The following SYNRG variants were observed in gnomAD, a reference collection of about 807,000 sequenced individuals.
SYNRG encodes synergin gamma.
A neutral mutation model predicts 130.9 loss-of-function variants in SYNRG; 37 were observed. The ratio of observed to expected loss-of-function variants is 0.28; its 90% CI spans 0.22 to 0.37. SYNRG has a LOEUF of 0.37. Ranked by LOEUF, SYNRG falls within the 10% of genes least tolerant of loss-of-function variation. The pLI is 1.00. For missense variants in SYNRG, 1,338 were observed against 1,588.9 expected, an observed-to-expected ratio of 0.84 and a Z score of 2.68; for synonymous variants, 539 against 568.1, an observed-to-expected ratio of 0.95 and a Z score of 0.73.
chr17:37,570,438 T>G (rs1451696228), intron 10 of SYNRG, among the ~76,000 whole-genome samples, 199 bp downstream of exon 10: 1 of 152,218 alleles, frequency 6.6e-6, no homozygotes, highest in Non-Finnish European at 1.5e-5. Flanking sequence ...ATTATATATT[T>G]AAAACATTTT....
rs2057404355 is a variant in SYNRG, at chr17:37,538,398, G to T, written c.3443C>A (p.Thr1148Asn). 1 of 1,609,490 alleles carries T rather than the reference G, an allele frequency of 6.2e-7. No homozygotes were observed. The highest frequency in any genetic ancestry group is 8.5e-7 in the Non-Finnish European group (1 of 1,178,646). ...ALNVIKKAND[T>N]LNGISSSSVC... Reference sequence around the variant, plus strand: ...AGAACTACTACTGATTCCATTTAAGGTATCATTTGCCTTCTTAATGACCTA... The same window carrying T: ...AGAACTACTACTGATTCCATTTAAGTTATCATTTGCCTTCTTAATGACCTA... The change falls in exon 18 of 22, where the codon ACC becomes AAC. Residue 1148 changes from threonine to asparagine, a missense_variant. Physicochemically the swap from Thr to Asn is moderately conservative, Grantham distance 65. Around this residue, in one of 3 missense-constraint regions of SYNRG, gnomAD observed 1,146 missense variants for 1,342.3 expected, o/e 0.85. Transcript: ENST00000612223.
intron 11 of SYNRG, among the ~76,000 whole-genome samples, chr17:37,564,581 C>T (rs2059780935): frequency 6.6e-6 from 1 of 152,224 alleles, no homozygotes; most frequent in African/African-American, 2.4e-5. Flanking sequence ...CACAGACCAA[C>T]AATGTTCTCC....
At chr17:37,596,424 T>A in intron 2 of SYNRG, 80 bp from the exon 3 acceptor site, 1 of 1,526,076 alleles carries the variant, frequency 6.6e-7, no homozygotes, top group Non-Finnish European at 8.9e-7. Flanking sequence ...AAAGGACTTG[T>A]TACTTGGCAG....
chr17:37,542,414 G>A lies in SYNRG; in HGVS notation c.2760C>T (p.Pro920=), dbSNP rs1245513525. 6.2e-7 allele frequency: 1 copy of A among 1,614,140 alleles called. No homozygotes were observed. ...TCTTTTGAAGAATTGAGGTGGCTGAGGGGGATCCACTTCCTGCTGAGAGGA... is the reference window on the plus strand; with the variant it reads ...TCTTTTGAAGAATTGAGGTGGCTGAAGGGGATCCACTTCCTGCTGAGAGGA... ...PFVLSAGSGS[P]SATSILQKKE... The change falls in exon 15 of 22, where the codon CCC becomes CCT. Residue 920 remains proline, a synonymous_variant. Transcript: ENST00000612223.
At chr17:37,569,628 C>A (rs2060263056) in intron 10 of SYNRG, among the ~76,000 whole-genome samples, 2 of 140,304 alleles carry the variant, frequency 1.4e-5, no homozygotes, top group South Asian at 4.5e-4. Flanking sequence ...GCACTCCAGC[C>A]TGGGCAACAC....
In SYNRG at chr17:37,518,650, TGCA is replaced by T. The variant is rs1316919429; in HGVS notation, c.*287_*289del. On this transcript the variant is annotated 3_prime_UTR_variant, in exon 22 of 22. Coordinates refer to ENST00000612223, the MANE Select transcript of SYNRG (RefSeq NM_007247.6). ...TGTCAGTTCTTCACAGTTTCAATACTGCAGCAGCAAGTTCTTCCTTAGATCAAG... is the reference window on the plus strand; with the variant it reads ...TGTCAGTTCTTCACAGTTTCAATACTGCAGCAAGTTCTTCCTTAGATCAAG... The T allele has an allele frequency of 2.7e-6, 1 of 365,200 alleles. No individual in the cohort carries two copies. The highest frequency in any genetic ancestry group is 4.4e-5 in the East Asian group (1 of 22,822). 22.6% of individuals were successfully genotyped at this position (365,200 alleles called of 1,614,324 possible). A position where few individuals can be genotyped will look rare whatever the true frequency, so the allele number is the denominator to read the frequency against.
At chr17:37,540,943 C>CT in intron 15 of SYNRG, 1 of 993,112 alleles carries the variant, frequency 1.0e-6, no homozygotes, top group Non-Finnish European at 1.2e-6. Flanking sequence ...CCACGACCCT[C>CT]TTCTTCAGAT....
At chr17:37,560,311 T>G (rs1006233449) in intron 13 of SYNRG, among the ~76,000 whole-genome samples, 22 of 151,452 alleles carry the variant, frequency 1.5e-4, no homozygotes, top group Non-Finnish European at 4.4e-5. Flanking sequence ...CCCCTTCTAC[T>G]AGATAATCCC....
At chr17:37,578,763 G>C (rs535853792) in intron 6 of SYNRG, among the ~76,000 whole-genome samples, 35 of 152,336 alleles carry the variant, frequency 2.3e-4, no homozygotes, top group Non-Finnish European at 4.7e-4. Context: ...CTGCCCCCAA[G>C]TGCCCTGTCA....
Position 37,570,941 on chromosome 17 carries a change from A to C in SYNRG, c.1099-56T>G, listed in dbSNP as rs543007945. 12 of 1,543,468 alleles carry C rather than the reference A, an allele frequency of 7.8e-6. No homozygotes were observed. In the South Asian group the frequency reaches 1.4e-4, roughly 18 times the overall value. On this transcript the variant is annotated intron_variant, in intron 9 of 21. Coordinates refer to ENST00000612223, the MANE Select transcript of SYNRG (RefSeq NM_007247.6). Reference sequence around the variant, plus strand: ...GGATTGTAAACCACATACGGTCGAAATCTGGCAGAGACCGAAAGGTAAAAA... The same window carrying C: ...GGATTGTAAACCACATACGGTCGAACTCTGGCAGAGACCGAAAGGTAAAAA...
chr17:37,603,120 G>C (rs531403868), intron 1 of SYNRG, among the ~76,000 whole-genome samples: 12 of 152,266 alleles, frequency 7.9e-5, no homozygotes, highest in African/African-American at 2.9e-4. Context: ...GAAAGAAAAA[G>C]GGACAAATCA....
intron 14 of SYNRG, among the ~76,000 whole-genome samples, chr17:37,549,781 G>A (rs1057418844): frequency 4.6e-5 from 7 of 151,454 alleles, no homozygotes; most frequent in Non-Finnish European, 7.4e-5. Flanking sequence ...TGGTAAAGAT[G>A]GGGTTTTGCC....
chr17:37,575,746 G>A (rs1038359003), intron 8 of SYNRG, among the ~76,000 whole-genome samples: 1 of 151,508 alleles, frequency 6.6e-6, no homozygotes, highest in African/African-American at 2.4e-5. Flanking sequence ...AGAGGCTGAG[G>A]TGGGAGGATT....
At chr17:37,590,733 C>T (rs141655515) in intron 3 of SYNRG, among the ~76,000 whole-genome samples, 7 of 151,998 alleles carry the variant, frequency 4.6e-5, no homozygotes, top group South Asian at 4.2e-4. Flanking sequence ...CCAGCCTGGC[C>T]GACATGGTGA....
intron 6 of SYNRG, among the ~76,000 whole-genome samples, chr17:37,581,274 C>T (rs956930099): frequency 2.7e-5 from 4 of 149,570 alleles, no homozygotes; most frequent in South Asian, 2.1e-4. Flanking sequence ...ATTATTATTA[C>T]TATTATTATT....
chr17:37,598,431 A>G (rs2062968692), intron 2 of SYNRG, among the ~76,000 whole-genome samples: 1 of 152,254 alleles, frequency 6.6e-6, no homozygotes, highest in Non-Finnish European at 1.5e-5. Context: ...TAGCCACAGT[A>G]AGATGTTTTC....
intron 19 of SYNRG, among the ~76,000 whole-genome samples, chr17:37,527,998 C>A (rs1433898287): frequency 6.6e-6 from 1 of 152,190 alleles, no homozygotes; most frequent in Non-Finnish European, 1.5e-5. Flanking sequence ...ATAGGAACAG[C>A]CTCACAGAGT....
intron 3 of SYNRG, 127 bp downstream of exon 3, chr17:37,596,096 T>C: frequency 9.1e-7 from 1 of 1,098,368 alleles, no homozygotes; most frequent in South Asian, 1.6e-5. Context: ...TTCATTTTAG[T>C]TTGAAGGAAG....
chr17:37,553,863 A>C lies in SYNRG; in HGVS notation c.1860T>G (p.Phe620Leu). ...TCTCGCTGCTGCAATTAACTGAGGA[A>C]AACATATCTAGGTCTGCTAAGTTCA... Reference protein sequence around the residue: ...NPLNLADLDMFSSVNCSSEKP... With the variant: ...NPLNLADLDMLSSVNCSSEKP... The change falls in exon 14 of 22, where the codon TTT becomes TTG. Residue 620 changes from phenylalanine to leucine, a missense_variant. Coordinates refer to ENST00000612223, the MANE Select transcript of SYNRG (RefSeq NM_007247.6). 6.2e-7 allele frequency: 1 copy of C among 1,612,236 alleles called. No homozygotes were observed. Among genetic ancestry groups the C allele is most frequent in the Non-Finnish European group, 8.5e-7 (1 of 1,179,678 alleles).
Sources: gnomAD v4.1 joint callset for allele counts (sites outside exome capture counted in the v4.1 genomes callset) on GRCh38, gnomAD v4.1.1 for gene constraint, gnomAD v4.1.1 regional missense constraint, MANE v1.5 for transcripts, NCBI Gene and HGNC (gene_info 2026-07-23, HGNC 2026-07-21) for gene names.